SPTSSA: variants seen among roughly 807,000 people sequenced by gnomAD.
SPTSSA encodes serine palmitoyltransferase small subunit A.
A neutral mutation model predicts 9.1 loss-of-function variants in SPTSSA; 8 were observed. That is an observed-to-expected ratio of 0.88 (90% CI 0.51 to 1.58). SPTSSA has a LOEUF of 1.58. Among genes scored for constraint, SPTSSA ranks in the 40% most tolerant of loss-of-function variants. SPTSSA has a pLI of 0.00. For synonymous variants in SPTSSA, 42 were observed against 37.7 expected (o/e 1.11, Z -0.41); for missense variants, 100 against 93.8 (o/e 1.07, Z -0.27).
intron 1 of SPTSSA, among the ~76,000 whole-genome samples, chr14:34,452,245 C>CAAAAA (rs532756986): frequency 2.1e-5 from 2 of 97,034 alleles, no homozygotes; most frequent in African/African-American, 6.5e-5. Context: ...GACTCAATCT[C>CAAAAA]AAAAAAAAAA....
intron 1 of SPTSSA, among the ~76,000 whole-genome samples, chr14:34,445,050 G>A (rs781314859): frequency 5.3e-5 from 8 of 150,988 alleles, no homozygotes; most frequent in East Asian, 2.0e-4. Context: ...AGATCACACC[G>A]TTGCACCCCA....
rs548002573 is a variant in SPTSSA, at chr14:34,462,048, G to T, written c.112+48C>A. The T allele has an allele frequency of 2.5e-5, 31 of 1,241,126 alleles. No homozygotes were observed. The Admixed American group carries it at 1.2e-3, about 50-fold the overall frequency. The allele number at this position is 1,241,126 out of a possible 1,614,324, so 76.9% of individuals were successfully genotyped here. The stretch of plus-strand genomic sequence containing the variant: ...GGGCCTGGGGAAATGCGGCCCCGCG[G>T]CCCGCGCCCCCAGCCCGGCCCCCGC... On this transcript the variant is annotated intron_variant, in intron 1 of 1. Coordinates refer to ENST00000298130, the MANE Select transcript of SPTSSA (RefSeq NM_138288.4).
chr14:34,462,188 G>C lies in SPTSSA; in HGVS notation c.20C>G (p.Ala7Gly), dbSNP rs769162350. 1 of 1,531,684 alleles carries C rather than the reference G, an allele frequency of 6.5e-7. No homozygotes were observed. Among genetic ancestry groups the C allele is most frequent in the South Asian group, 1.2e-5 (1 of 86,578 alleles). 94.9% of individuals were successfully genotyped at this position (1,531,684 alleles called of 1,614,324 possible). A position where few individuals can be genotyped will look rare whatever the true frequency, so the allele number is the denominator to read the frequency against. The change falls in exon 1 of 2, where the codon GCG becomes GGG. Residue 7 changes from alanine to glycine, a missense_variant. Transcript: ENST00000298130. ...CCAGGACATCTGCTTCCAGGCCCGC[G>C]CCAGCGCCATCCCCGCCATGCGCCT... MAGMAL[A>G]RAWKQMSWFY...
chr14:34,455,815 C>T (rs1473528650), intron 1 of SPTSSA, among the ~76,000 whole-genome samples: 1 of 151,654 alleles, frequency 6.6e-6, no homozygotes, highest in Non-Finnish European at 1.5e-5. Context: ...AACTGTAATC[C>T]TAGCTATTCA....
intron 1 of SPTSSA, among the ~76,000 whole-genome samples, chr14:34,456,118 T>C (rs994840372): frequency 6.6e-6 from 1 of 150,728 alleles, no homozygotes; most frequent in African/African-American, 2.4e-5. Context: ...GGTCAGGAGA[T>C]CGAGACCATC....
chr14:34,447,963 C>T (rs1030685266), intron 1 of SPTSSA, among the ~76,000 whole-genome samples: 1 of 152,162 alleles, frequency 6.6e-6, no homozygotes, highest in African/African-American at 2.4e-5. Context: ...CATCAAGAAG[C>T]TACCCTGCTG....
At chr14:34,436,391 T>G (rs538572444) in intron 1 of SPTSSA, among the ~76,000 whole-genome samples, 4 of 152,210 alleles carry the variant, frequency 2.6e-5, no homozygotes, top group Non-Finnish European at 5.9e-5. Flanking sequence ...CTTTGCACAG[T>G]TACATAGGAT....
Position 34,435,205 on chromosome 14 carries a change from T to G in SPTSSA, c.212A>C (p.Gln71Pro). The change falls in exon 2 of 2, where the codon CAA becomes CCA. Residue 71 changes from glutamine to proline, a missense_variant. Physicochemically the swap from Gln to Pro is moderately conservative, Grantham distance 76. Coordinates refer to ENST00000298130, the MANE Select transcript of SPTSSA (RefSeq NM_138288.4). ...MAILHYFEIV[Q>P] ...CTGATCCTGGTCGCATCTTGGTCAT[T>G]GTACGATTTCAAAGTAGTGCAATAT... 6.2e-7 allele frequency: 1 copy of G among 1,612,998 alleles called. No individual in the cohort carries two copies. The highest frequency in any genetic ancestry group is 8.5e-7 in the Non-Finnish European group (1 of 1,179,326).
intron 1 of SPTSSA, among the ~76,000 whole-genome samples, chr14:34,457,748 G>A (rs1403466076): frequency 2.6e-5 from 4 of 152,016 alleles, no homozygotes; most frequent in Non-Finnish European, 4.4e-5. Context: ...GAAGTGGGGG[G>A]ATCACTTGAG....
intron 1 of SPTSSA, among the ~76,000 whole-genome samples, chr14:34,459,685 G>A (rs1043550635): frequency 1.3e-5 from 2 of 151,832 alleles, no homozygotes; most frequent in Admixed American, 6.6e-5. Flanking sequence ...GGAGGCTGAG[G>A]CAGGAGAATC....
intron 1 of SPTSSA, among the ~76,000 whole-genome samples, chr14:34,451,717 CAAAAAAA>C (rs35096900): frequency 0.013 from 1,023 of 77,206 alleles, 9 homozygotes; most frequent in African/African-American, 0.038. Context: ...GACTCTGTTT[CAAAAAAA>C]AAAAAAAAAA....
chr14:34,444,751 CAA>C (rs34773522), intron 1 of SPTSSA, among the ~76,000 whole-genome samples: 2 of 135,522 alleles, frequency 1.5e-5, no homozygotes, highest in Non-Finnish European at 1.6e-5. Context: ...GACTCTGCCT[CAA>C]AAAAAAAAAA....
chr14:34,450,002 T>G (rs111892190), intron 1 of SPTSSA, among the ~76,000 whole-genome samples: 1,656 of 152,328 alleles, frequency 0.011, 32 homozygotes, highest in African/African-American at 0.038. Context: ...TACAGCACTG[T>G]AGGAGACCCA....
intron 1 of SPTSSA, among the ~76,000 whole-genome samples, chr14:34,457,926 C>T (rs1277231865): frequency 1.4e-5 from 2 of 141,358 alleles, no homozygotes; most frequent in East Asian, 4.3e-4. Context: ...GAACCGAGAT[C>T]GCACCACTGC....
At chr14:34,455,548 C>T (rs922470143) in intron 1 of SPTSSA, among the ~76,000 whole-genome samples, 28 of 152,166 alleles carry the variant, frequency 1.8e-4, no homozygotes, top group African/African-American at 6.7e-4. Flanking sequence ...TGTTTTCAAC[C>T]ATAAGGATGT....
chr14:34,449,818 T>C (rs539505894), intron 1 of SPTSSA, among the ~76,000 whole-genome samples: 2 of 152,334 alleles, frequency 1.3e-5, no homozygotes, highest in African/African-American at 2.4e-5. Flanking sequence ...ATTGGTTTTA[T>C]TGTCACACTT....
chr14:34,460,443 A>C (rs1878592780), intron 1 of SPTSSA, among the ~76,000 whole-genome samples: 4 of 152,166 alleles, frequency 2.6e-5, no homozygotes, highest in Non-Finnish European at 5.9e-5. Flanking sequence ...TTCATTTCAT[A>C]ATTTATTTCT....
chr14:34,453,221 A>C (rs574502531), intron 1 of SPTSSA, among the ~76,000 whole-genome samples: 1 of 152,368 alleles, frequency 6.6e-6, no homozygotes, highest in Non-Finnish European at 1.5e-5. Context: ...GCCTGGGGGC[A>C]GTACTCCTAA....
At chr14:34,442,676 A>G (rs1883338183) in intron 1 of SPTSSA, among the ~76,000 whole-genome samples, 1 of 152,206 alleles carries the variant, frequency 6.6e-6, no homozygotes, top group African/African-American at 2.4e-5. Flanking sequence ...TGTTACATGT[A>G]TGCAGGTCTT....
Sources: allele counts gnomAD v4.1 joint callset (sites outside exome capture counted in the v4.1 genomes callset), GRCh38; gene constraint gnomAD v4.1.1; transcripts MANE v1.5; gene names NCBI Gene and HGNC (gene_info 2026-07-23, HGNC 2026-07-21).